PLPPR2: variants seen among roughly 807,000 people sequenced by gnomAD.
The protein encoded by PLPPR2 is phospholipid phosphatase-related protein type 2.
In PLPPR2, 11 loss-of-function variants were observed where a neutral mutation model predicts 40.3. The observed-to-expected ratio is 0.27, with a 90% CI of 0.17 to 0.45. PLPPR2 has a LOEUF of 0.45. PLPPR2 is among the 20% of genes least tolerant of loss of function. PLPPR2 has a pLI of 1.00. For synonymous variants in PLPPR2, 260 were observed against 290.8 expected, an observed-to-expected ratio of 0.89 and a Z score of 1.08; for missense variants, 497 against 640.7, an observed-to-expected ratio of 0.78 and a Z score of 2.42.
intron 2 of PLPPR2, 38 bp from the exon 3 acceptor site, chr19:11,357,622 C>T (rs1446336318): frequency 6.6e-7 from 1 of 1,512,706 alleles, no homozygotes; most frequent in Non-Finnish European, 9.0e-7. Flanking sequence ...CCCCTAGGCA[C>T]ACCCCCTGGG....
rs371111000 is a variant in PLPPR2 at position 11,359,705 on chromosome 19, C to G, written c.240C>G (p.Ala80=). 3.1e-6 allele frequency: 5 copies of G among 1,595,232 alleles called. No homozygotes were observed. Among genetic ancestry groups the G allele is most frequent in the Non-Finnish European group, 3.4e-6 (4 of 1,168,350 alleles). ...CTCTTGTCTACGCACTGGTCACTGC[C>G]GGGCCCACCCTCACGGTGAGACAAT... The part of the protein sequence containing the change: ...PPALVYALVT[A]GPTLTILLGE... Residue 80 remains alanine, a synonymous_variant, in exon 4 of 10, where the codon GCC becomes GCG. Coordinates refer to ENST00000688289, the MANE Select transcript of PLPPR2 (RefSeq NM_001393892.1). The surrounding 1 kb of genome is among the most constrained non-coding windows in gnomAD (Gnocchi z 5.6).
At chr19:11,357,565 C>T in intron 2 of PLPPR2, 95 bp from the exon 3 acceptor site, 1 of 855,118 alleles carries the variant, frequency 1.2e-6, no homozygotes, top group Middle Eastern at 3.1e-4. Context: ...AGGGGTGTGG[C>T]CAAAGGACTC....
Position 11,364,515 on chromosome 19 carries a change from C to G in PLPPR2, c.1184C>G (p.Ser395Trp). The G allele has an allele frequency of 1.3e-6, 2 of 1,529,934 alleles. No individual in the cohort carries two copies. The highest frequency in any genetic ancestry group is 1.7e-6 in the Non-Finnish European group (2 of 1,142,940). The allele number at this position is 1,529,934 out of a possible 1,614,324, so 94.8% of individuals were successfully genotyped here. A position where few individuals can be genotyped will look rare whatever the true frequency, so the allele number is the denominator to read the frequency against. ...LPAPTPSQGP[S>W]PSSPGPGGPG... Reference sequence around the variant, plus strand: ...GCGCCCACCCCCAGCCAGGGCCCCTCGCCTTCCTCCCCTGGACCTGGGGGG... The same window carrying G: ...GCGCCCACCCCCAGCCAGGGCCCCTGGCCTTCCTCCCCTGGACCTGGGGGG... The change falls in exon 10 of 10, where the codon TCG (serine) becomes TGG (tryptophan). Residue 395 changes from serine (S) to tryptophan (W), a missense_variant. Ser to Trp is a radical substitution (Grantham distance 177). Coordinates refer to ENST00000688289, the MANE Select transcript of PLPPR2 (RefSeq NM_001393892.1). The surrounding 1 kb of genome is among the most constrained non-coding windows in gnomAD (Gnocchi z 5.8).
At position 11,363,796 on chromosome 19, in the gene PLPPR2, C is replaced by A. The variant is rs1309250749; in HGVS notation, c.924C>A (p.Pro308=). The A allele has an allele frequency of 6.2e-7, 1 of 1,614,064 alleles. No homozygotes were observed. Among genetic ancestry groups the A allele is most frequent in the African/African-American group, 1.3e-5 (1 of 74,940 alleles). The change falls in exon 8 of 10, where the codon CCC becomes CCA. Residue 308 remains proline (P), a synonymous_variant. Coordinates refer to ENST00000688289, the MANE Select transcript of PLPPR2 (RefSeq NM_001393892.1). This position sits in a 1 kb window ranked among gnomAD's most constrained non-coding sequence, Gnocchi z 4.8. Reference sequence around the variant, plus strand: ...CCTGGGAGGACCTGGGCCAAGCCCCCACCATGGATAGCCCCCTCGAAAAGT... The same window carrying A: ...CCTGGGAGGACCTGGGCCAAGCCCCAACCATGGATAGCCCCCTCGAAAAGT... ...LSPWEDLGQA[P]TMDSPLEKLS...
At position 11,359,200 on chromosome 19, in the gene PLPPR2, T is replaced by G. The variant is rs1967976323; in HGVS notation, c.67-332T>G. 1.3e-5 allele frequency among the ~76,000 whole-genome samples: 2 copies of G among 152,184 alleles called. No homozygotes were observed. Among genetic ancestry groups the G allele is most frequent in the African/African-American group, 4.8e-5 (2 of 41,532 alleles). On this transcript the variant is annotated intron_variant, in intron 3 of 9. Transcript: ENST00000688289. This position sits in a 1 kb window ranked among gnomAD's most constrained non-coding sequence, Gnocchi z 5.6. ...AGCTGGGACTATAGTTGTACAGAGA[T>G]AAGGTCATGCGATCTCAAACTCCTG...
chr19:11,363,949 A>G lies in PLPPR2; in HGVS notation c.963+114A>G, dbSNP rs1177522706. ...GGGTCTCAGAACCATGGGGAAGTGG[A>G]GGGATCACCCATCTCTGTGGACATA... On this transcript the variant is annotated intron_variant, in intron 8 of 9. Coordinates refer to ENST00000688289, the MANE Select transcript of PLPPR2 (RefSeq NM_001393892.1). The surrounding 1 kb of genome is among the most constrained non-coding windows in gnomAD (Gnocchi z 4.8). 42 of 1,398,492 alleles carry G rather than the reference A, an allele frequency of 3.0e-5. No homozygotes were observed. Among genetic ancestry groups the G allele is most frequent in the Non-Finnish European group, 4.1e-5 (42 of 1,036,168 alleles). 86.6% of individuals were successfully genotyped at this position (1,398,492 alleles called of 1,614,324 possible).
At chr19:11,360,810 A>G (rs1968021975) in intron 5 of PLPPR2, among the ~76,000 whole-genome samples, 1 of 152,086 alleles carries the variant, frequency 6.6e-6, no homozygotes, top group Non-Finnish European at 1.5e-5. Context: ...TAGTGGCCCC[A>G]GGAGGAGAGT....
In PLPPR2 at chr19:11,364,461, CGCCCTT is replaced by C. The variant is rs1968138881; in HGVS notation, c.1135_1140del (p.Leu385_Pro386del). The stretch of plus-strand genomic sequence containing the variant: ...CGTCCTCGATTGAGGTCTGAGCCGA[CGCCCTT>C]GCCCCTGCCCCTACCCCTGCCAGCG... On this transcript the variant is annotated inframe_deletion, in exon 10 of 10. Transcript: ENST00000688289. The surrounding 1 kb of genome is among the most constrained non-coding windows in gnomAD (Gnocchi z 5.8). The C allele has an allele frequency of 6.6e-6, 10 of 1,508,338 alleles. No individual in the cohort carries two copies. The highest frequency in any genetic ancestry group is 8.8e-6 in the Non-Finnish European group (10 of 1,135,146). The allele number at this position is 1,508,338 out of a possible 1,614,324, so 93.4% of individuals were successfully genotyped here. A position where few individuals can be genotyped will look rare whatever the true frequency, so the allele number is the denominator to read the frequency against.
rs937280007 is a variant in PLPPR2, at chr19:11,359,229, T to C, written c.67-303T>C. Among the ~76,000 whole-genome samples, 14 of 152,158 alleles carry C rather than the reference T, an allele frequency of 9.2e-5. No homozygotes were observed. Among genetic ancestry groups the C allele is most frequent in the Admixed American group, 7.2e-4 (11 of 15,250 alleles). On this transcript the variant is annotated intron_variant, in intron 3 of 9. Coordinates refer to ENST00000688289, the MANE Select transcript of PLPPR2 (RefSeq NM_001393892.1). This position sits in a 1 kb window ranked among gnomAD's most constrained non-coding sequence, Gnocchi z 5.6. ...GTCATGCGATCTCAAACTCCTGAGC[T>C]CAAGGGATCCTCTTGCCTATGCCTC...
Position 11,361,598 on chromosome 19 carries a change from G to T in PLPPR2, c.663+110G>T. The T allele has an allele frequency of 7.0e-7, 1 of 1,434,814 alleles. No individual in the cohort carries two copies. Among genetic ancestry groups the T allele is most frequent in the African/African-American group, 1.4e-5 (1 of 69,072 alleles). The allele number at this position is 1,434,814 out of a possible 1,614,324, so 88.9% of individuals were successfully genotyped here. ...TCTGCTCTTCCACGCCCCGGGTGCT[G>T]TTGGAAGCTCTCGCTCCACGCCCCG... On this transcript the variant is annotated intron_variant, in intron 6 of 9. Coordinates refer to ENST00000688289, the MANE Select transcript of PLPPR2 (RefSeq NM_001393892.1). The surrounding 1 kb of genome is among the most constrained non-coding windows in gnomAD (Gnocchi z 6.3).
In PLPPR2 at chr19:11,362,402, A is replaced by G; in HGVS notation, c.664-111A>G. ...GACTCCAACCCTGGAGCCCCTGGCCACTCCCTCCAGCCCCAACGCTCTGGC... is the reference window on the plus strand; with the variant it reads ...GACTCCAACCCTGGAGCCCCTGGCCGCTCCCTCCAGCCCCAACGCTCTGGC... On this transcript the variant is annotated intron_variant, in intron 6 of 9. Coordinates refer to ENST00000688289, the MANE Select transcript of PLPPR2 (RefSeq NM_001393892.1). The surrounding 1 kb of genome is among the most constrained non-coding windows in gnomAD (Gnocchi z 5.3). 8.2e-7 allele frequency: 1 copy of G among 1,225,260 alleles called. No individual in the cohort carries two copies. Among genetic ancestry groups the G allele is most frequent in the Non-Finnish European group, 1.1e-6 (1 of 895,234 alleles). The allele number at this position is 1,225,260 out of a possible 1,614,324, so 75.9% of individuals were successfully genotyped here.
At position 11,361,506 on chromosome 19, in the gene PLPPR2, C is replaced by T. The variant is rs1321282102; in HGVS notation, c.663+18C>T. 2 of 1,580,168 alleles carry T rather than the reference C, an allele frequency of 1.3e-6. No individual in the cohort carries two copies. Among genetic ancestry groups the T allele is most frequent in the East Asian group, 2.2e-5 (1 of 44,556 alleles). On this transcript the variant is annotated intron_variant, in intron 6 of 9. Transcript: ENST00000688289. The surrounding 1 kb of genome is among the most constrained non-coding windows in gnomAD (Gnocchi z 6.3). ...ACACAGCGGTGAGCTTCGGGAGCTT[C>T]GGGGTCGGAAATGGGTGTGCAGGCT...
chr19:11,361,510 G>A lies in PLPPR2; in HGVS notation c.663+22G>A, dbSNP rs1431300991. The A allele has an allele frequency of 9.5e-6, 15 of 1,577,610 alleles. No homozygotes were observed. Among genetic ancestry groups the A allele is most frequent in the Non-Finnish European group, 1.3e-5 (15 of 1,165,424 alleles). Reference sequence around the variant, plus strand: ...AGCGGTGAGCTTCGGGAGCTTCGGGGTCGGAAATGGGTGTGCAGGCTGGAC... The same window carrying A: ...AGCGGTGAGCTTCGGGAGCTTCGGGATCGGAAATGGGTGTGCAGGCTGGAC... On this transcript the variant is annotated intron_variant, in intron 6 of 9. Transcript: ENST00000688289. This position sits in a 1 kb window ranked among gnomAD's most constrained non-coding sequence, Gnocchi z 6.3.
Position 11,364,857 on chromosome 19 carries a change from C to G in PLPPR2, c.*167C>G. The G allele has an allele frequency of 1.3e-6, 1 of 767,808 alleles. No homozygotes were observed. Among genetic ancestry groups the G allele is most frequent in the South Asian group, 1.8e-5 (1 of 56,904 alleles). 47.6% of individuals were successfully genotyped at this position (767,808 alleles called of 1,614,324 possible). A position where few individuals can be genotyped will look rare whatever the true frequency, so the allele number is the denominator to read the frequency against. The stretch of plus-strand genomic sequence containing the variant: ...TTAGGAGACATCTGCCTCTCTGGCC[C>G]TCTGAGATATCCCGATGGGCACAAA... On this transcript the variant is annotated 3_prime_UTR_variant, in exon 10 of 10. Transcript: ENST00000688289. This position sits in a 1 kb window ranked among gnomAD's most constrained non-coding sequence, Gnocchi z 5.8.
chr19:11,357,164 C>G (rs1448182906), intron 2 of PLPPR2, among the ~76,000 whole-genome samples, 188 bp downstream of exon 2: 5 of 151,940 alleles, frequency 3.3e-5, no homozygotes, highest in Non-Finnish European at 5.9e-5. Context: ...AACCAGACAC[C>G]AACACCACAG....
In PLPPR2 at chr19:11,364,786, C is replaced by T. The variant is rs922431109; in HGVS notation, c.*96C>T. ...ACGTGAGTGCCAAAGTCCCCTGCCC[C>T]CCAAGCCAGCCAGACCCAGACATTA... On this transcript the variant is annotated 3_prime_UTR_variant, in exon 10 of 10. Coordinates refer to ENST00000688289, the MANE Select transcript of PLPPR2 (RefSeq NM_001393892.1). The surrounding 1 kb of genome is among the most constrained non-coding windows in gnomAD (Gnocchi z 5.8). 8 of 1,367,600 alleles carry T rather than the reference C, an allele frequency of 5.8e-6. No individual in the cohort carries two copies. Among genetic ancestry groups the T allele is most frequent in the Non-Finnish European group, 8.0e-6 (8 of 1,003,216 alleles). The allele number at this position is 1,367,600 out of a possible 1,614,324, so 84.7% of individuals were successfully genotyped here.
chr19:11,356,586 A>G (rs1568318425), intron 1 of PLPPR2, among the ~76,000 whole-genome samples: 1 of 151,628 alleles, frequency 6.6e-6, no homozygotes, highest in Non-Finnish European at 1.5e-5. Context: ...GTTTACTGCA[A>G]AGTGGCGCCC....
Position 11,362,660 on chromosome 19 carries a change from C to T in PLPPR2, c.811C>T (p.Leu271=), listed in dbSNP as rs1165769420. 1.2e-6 allele frequency: 2 copies of T among 1,613,436 alleles called. No individual in the cohort carries two copies. Among genetic ancestry groups the T allele is most frequent in the East Asian group, 2.2e-5 (1 of 44,858 alleles). ...CTGGTCGGACGTGCTGGCTGGCTTCCTGACAGGGGCGGCCATCGCCACCTT... is the reference window on the plus strand; with the variant it reads ...CTGGTCGGACGTGCTGGCTGGCTTCTTGACAGGGGCGGCCATCGCCACCTT... ...NHWSDVLAGF[L]TGAAIATFLV... The change falls in exon 7 of 10, where the codon CTG becomes TTG. Residue 271 remains leucine (L), a synonymous_variant. Coordinates refer to ENST00000688289, the MANE Select transcript of PLPPR2 (RefSeq NM_001393892.1). The surrounding 1 kb of genome is among the most constrained non-coding windows in gnomAD (Gnocchi z 5.3).
In PLPPR2 at chr19:11,361,586, G is replaced by C. The variant is rs932839719; in HGVS notation, c.663+98G>C. On this transcript the variant is annotated intron_variant, in intron 6 of 9. Transcript: ENST00000688289. The surrounding 1 kb of genome is among the most constrained non-coding windows in gnomAD (Gnocchi z 6.3). ...AGGGTTGGAGCCTCTGCTCTTCCACGCCCCGGGTGCTGTTGGAAGCTCTCG... is the reference window on the plus strand; with the variant it reads ...AGGGTTGGAGCCTCTGCTCTTCCACCCCCCGGGTGCTGTTGGAAGCTCTCG... 6.8e-7 allele frequency: 1 copy of C among 1,470,836 alleles called. No individual in the cohort carries two copies. The highest frequency in any genetic ancestry group is 1.4e-5 in the African/African-American group (1 of 71,390). The allele number at this position is 1,470,836 out of a possible 1,614,324, so 91.1% of individuals were successfully genotyped here.
Sources: gnomAD v4.1 joint callset for allele counts (sites outside exome capture counted in the v4.1 genomes callset) on GRCh38, gnomAD v4.1.1 for gene constraint, Gnocchi (gnomAD v3.1) non-coding constraint, MANE v1.5 for transcripts, NCBI Gene and HGNC (gene_info 2026-07-23, HGNC 2026-07-21) for gene names.